CNTN4: variants seen among roughly 807,000 people sequenced by gnomAD.
CNTN4 encodes the protein contactin 4.
In CNTN4, 77 loss-of-function variants were observed where a neutral mutation model predicts 122.5. That is an observed-to-expected ratio of 0.63 (90% CI 0.52 to 0.76). The LOEUF is 0.76. CNTN4 is among the 30% of genes least tolerant of loss of function. The probability of loss-of-function intolerance (pLI) is 0.00; values close to 1 mark genes in which losing one functional copy is unlikely to be tolerated. For missense variants in CNTN4, 1,256 were observed against 1,259.1 expected (o/e 1.00, Z 0.04); for synonymous variants, 512 against 447.0 (o/e 1.15, Z -1.83).
Position 2,909,662 on chromosome 3 carries a change from G to T in CNTN4, c.1207+6657G>T, listed in dbSNP as rs543877701. 1.1e-4 allele frequency among the ~76,000 whole-genome samples: 17 copies of T among 152,232 alleles called. No individual in the cohort carries two copies. The South Asian group carries it at 2.5e-3, about 22-fold the overall frequency. ...GATTCCGAAGAACAACAGAATTTGAGAACTATTGCTTTAATTGATCAGGTT... is the reference window on the plus strand; with the variant it reads ...GATTCCGAAGAACAACAGAATTTGATAACTATTGCTTTAATTGATCAGGTT... On this transcript the variant is annotated intron_variant, in intron 12 of 24. Transcript: ENST00000418658.
intron 4 of CNTN4, among the ~76,000 whole-genome samples, chr3:2,616,203 T>A (rs2081729113): frequency 6.6e-6 from 1 of 151,120 alleles, no homozygotes; most frequent in Non-Finnish European, 1.5e-5. Context: ...TGTCCATGTG[T>A]TCTCATTGTT....
intron 3 of CNTN4, among the ~76,000 whole-genome samples, chr3:2,403,645 A>G (rs2046934857): frequency 6.6e-6 from 1 of 152,156 alleles, no homozygotes; most frequent in African/African-American, 2.4e-5. Flanking sequence ...GTTTCTGAGA[A>G]TCATCAAATA....
At chr3:3,009,551 A>G (rs944800394) in intron 14 of CNTN4, among the ~76,000 whole-genome samples, 31 of 150,270 alleles carry the variant, frequency 2.1e-4, no homozygotes, top group African/African-American at 5.6e-4. Context: ...CTCCTGCCTC[A>G]GCTTCCCGAG....
Position 2,965,891 on chromosome 3 carries a change from A to G in CNTN4, c.1359-22454A>G, listed in dbSNP as rs116999399. 2.6e-3 allele frequency among the ~76,000 whole-genome samples: 391 copies of G among 152,300 alleles called. 11 individuals are homozygous for G. In the East Asian group the frequency reaches 0.073, roughly 28 times the overall value. ...AATCAGTTCATCTCCATGAAAAATTATCATTGATTCATCCCCACCCAGGAC... is the reference window on the plus strand; with the variant it reads ...AATCAGTTCATCTCCATGAAAAATTGTCATTGATTCATCCCCACCCAGGAC... On this transcript the variant is annotated intron_variant, in intron 13 of 24. Coordinates refer to ENST00000418658, the MANE Select transcript of CNTN4 (RefSeq NM_175607.3).
At position 2,182,549 on chromosome 3, in the gene CNTN4, C is replaced by A. The variant is rs551633385; in HGVS notation, c.-145+81910C>A. Among the ~76,000 whole-genome samples the A allele has an allele frequency of 7.2e-5, 11 of 152,074 alleles. No homozygotes were observed. The South Asian group carries it at 8.3e-4, about 11-fold the overall frequency. On this transcript the variant is annotated intron_variant, in intron 2 of 24. Coordinates refer to ENST00000418658, the MANE Select transcript of CNTN4 (RefSeq NM_175607.3). The stretch of plus-strand genomic sequence containing the variant: ...TATATTATGAACTATCTGAACTACT[C>A]CTTATAATTATGGGGTAACCAGTCA...
At chr3:2,597,255 A>T (rs780328778) in intron 4 of CNTN4, among the ~76,000 whole-genome samples, 1 of 152,152 alleles carries the variant, frequency 6.6e-6, no homozygotes, top group Non-Finnish European at 1.5e-5. Context: ...TGAAAATCAC[A>T]TTGAGGCCAG....
intron 3 of CNTN4, among the ~76,000 whole-genome samples, chr3:2,433,936 G>A (rs2048169534): frequency 6.6e-6 from 1 of 152,086 alleles, no homozygotes; most frequent in Non-Finnish European, 1.5e-5. Flanking sequence ...GATTTGACTT[G>A]CATGTGGAAT....
intron 4 of CNTN4, among the ~76,000 whole-genome samples, chr3:2,659,845 GAC>G (rs1485323541): frequency 6.6e-6 from 1 of 152,132 alleles, no homozygotes; most frequent in Admixed American, 6.5e-5. Flanking sequence ...AGTTTTGAGA[GAC>G]ATTTTAAACC....
intron 3 of CNTN4, among the ~76,000 whole-genome samples, chr3:2,566,026 C>G (rs540376669): frequency 1.3e-5 from 2 of 152,304 alleles, no homozygotes; most frequent in Non-Finnish European, 1.5e-5. Context: ...TCTGAATTAA[C>G]ACTAGTGAAA....
chr3:2,650,657 G>A (rs185463729), intron 4 of CNTN4, among the ~76,000 whole-genome samples: 75 of 152,276 alleles, frequency 4.9e-4, no homozygotes, highest in African/African-American at 1.7e-3. Context: ...TCAGTCAGCA[G>A]CCATCTTAAT....
At chr3:2,185,326 C>T (rs568440053) in intron 2 of CNTN4, among the ~76,000 whole-genome samples, 32 of 152,260 alleles carry the variant, frequency 2.1e-4, no homozygotes, top group African/African-American at 7.7e-4. Context: ...AAAGTGCTTT[C>T]CCTCTAGTGT....
intron 14 of CNTN4, among the ~76,000 whole-genome samples, chr3:3,001,388 G>T (rs1268123363): frequency 1.3e-5 from 2 of 151,404 alleles, no homozygotes; most frequent in African/African-American, 2.5e-5. Flanking sequence ...ACTGGATAAG[G>T]AGTGAGTAAG....
At chr3:2,741,921 C>G (rs149156664) in intron 5 of CNTN4, among the ~76,000 whole-genome samples, 40 of 152,266 alleles carry the variant, frequency 2.6e-4, no homozygotes, top group African/African-American at 9.4e-4. Flanking sequence ...ACACTGAGAA[C>G]AAAACTTTTT....
chr3:2,198,765 C>A (rs190136493), intron 2 of CNTN4, among the ~76,000 whole-genome samples: 112 of 152,290 alleles, frequency 7.4e-4, no homozygotes, highest in Non-Finnish European at 8.5e-4. Flanking sequence ...CTGCCCATTA[C>A]ACTTTATTTG....
chr3:2,733,559 A>T (rs2088855501), intron 4 of CNTN4, among the ~76,000 whole-genome samples: 1 of 137,762 alleles, frequency 7.3e-6, no homozygotes, highest in Non-Finnish European at 1.5e-5. Flanking sequence ...TTTGAGACAG[A>T]GTCTCACAGC....
At chr3:2,318,941 G>A (rs574630137) in intron 2 of CNTN4, among the ~76,000 whole-genome samples, 5 of 152,158 alleles carry the variant, frequency 3.3e-5, no homozygotes, top group Non-Finnish European at 4.4e-5. Context: ...TCCCCAAAAC[G>A]CCCAAGGTTT....
intron 6 of CNTN4, among the ~76,000 whole-genome samples, chr3:2,755,624 T>A (rs2090300727): frequency 1.3e-5 from 2 of 152,196 alleles, no homozygotes; most frequent in African/African-American, 4.8e-5. Context: ...GCTAGTTAAT[T>A]GTAGCTATTA....
chr3:2,513,275 T>C (rs975779129), intron 3 of CNTN4, among the ~76,000 whole-genome samples: 1 of 152,202 alleles, frequency 6.6e-6, no homozygotes, highest in African/African-American at 2.4e-5. Flanking sequence ...TTGTGAGTGA[T>C]GATTCCTGGT....
intron 9 of CNTN4, among the ~76,000 whole-genome samples, chr3:2,883,759 T>C (rs1260365630): frequency 6.6e-6 from 1 of 152,212 alleles, no homozygotes. Flanking sequence ...AGAGAGTCTG[T>C]TTTACAAAGT....
Sources: allele counts gnomAD v4.1 joint callset (sites outside exome capture counted in the v4.1 genomes callset), GRCh38; gene constraint gnomAD v4.1.1; transcripts MANE v1.5; gene names NCBI Gene and HGNC (gene_info 2026-07-23, HGNC 2026-07-21).